Variants in GPR179 observed in about 807,000 individuals in gnomAD.
GPR179 encodes G protein-coupled receptor 179, also known as probable G protein-coupled receptor 179.
In GPR179, 52 loss-of-function variants were observed where a neutral mutation model predicts 70.8. The observed-to-expected ratio is 0.73, with a 90% CI of 0.59 to 0.93. The LOEUF (loss-of-function observed/expected upper bound fraction) is 0.93, where lower values mean the gene tolerates loss of function less well. GPR179 is among the 40% of genes least tolerant of loss of function. The probability of loss-of-function intolerance (pLI) is 0.00; values close to 1 mark genes in which losing one functional copy is unlikely to be tolerated. For missense variants in GPR179, 2,734 were observed against 2,966.8 expected (o/e 0.92, Z 1.82); for synonymous variants, 1,123 against 1,169.0 (o/e 0.96, Z 0.80).
intron 6 of GPR179, 60 bp from the exon 7 acceptor site, chr17:38,335,331 T>C: frequency 3.9e-6 from 5 of 1,280,452 alleles, no homozygotes; most frequent in Non-Finnish European, 5.5e-6. Flanking sequence ...ACGAAGAGGG[T>C]GCCAGCGCCC....
In GPR179 at chr17:38,330,415, C is replaced by T; in HGVS notation, c.3154G>A (p.Ala1052Thr). The part of the protein sequence containing the change: ...AGENEMDAED[A>T]HHQREANDVD... The stretch of plus-strand genomic sequence containing the variant: ...TCATTAGCTTCCCTCTGGTGATGTG[C>T]ATCCTCTGCGTCCATCTCATTCTCC... The change falls in exon 11 of 11, where the codon GCA becomes ACA. Residue 1052 changes from alanine to threonine, a missense_variant. Transcript: ENST00000616987. 2 of 1,604,716 alleles carry T rather than the reference C, an allele frequency of 1.2e-6. No homozygotes were observed. The highest frequency in any genetic ancestry group is 1.7e-6 in the Non-Finnish European group (2 of 1,174,832).
At chr17:38,341,121 T>C (rs2037445939) in intron 1 of GPR179, among the ~76,000 whole-genome samples, 1 of 152,142 alleles carries the variant, frequency 6.6e-6, no homozygotes, top group African/African-American at 2.4e-5. Flanking sequence ...GCACCTGCAG[T>C]GTGTGCGAAG....
chr17:38,338,352 A>G (rs2037423651), intron 2 of GPR179, among the ~76,000 whole-genome samples: 1 of 152,204 alleles, frequency 6.6e-6, no homozygotes, highest in Non-Finnish European at 1.5e-5. Context: ...ATATGAACAA[A>G]TGAGGTCAGA....
rs1567721877 is a variant in GPR179 at position 38,327,292 on chromosome 17, C to A, written c.6277G>T (p.Ala2093Ser). The stretch of plus-strand genomic sequence containing the variant: ...GAACTGCCTCTGCTTCTGTCAGAAG[C>A]ATCTGGGGCTGGCTGTGGGGACAGA... ...KGLSPQPAPD[A>S]SDRSRGSSEA... The change falls in exon 11 of 11, where the codon GCT (alanine) becomes TCT (serine). Residue 2093 changes from alanine (A) to serine (S), a missense_variant. Ala to Ser is a moderately conservative substitution (Grantham distance 99). Transcript: ENST00000616987. 1 of 1,614,260 alleles carries A rather than the reference C, an allele frequency of 6.2e-7. No individual in the cohort carries two copies. The highest frequency in any genetic ancestry group is 2.2e-5 in the East Asian group (1 of 44,884).
chr17:38,339,334 C>T (rs984104993), intron 2 of GPR179, 83 bp downstream of exon 2: 7 of 842,022 alleles, frequency 8.3e-6, no homozygotes, highest in Middle Eastern at 3.0e-4. Flanking sequence ...GTCTGCTGCT[C>T]CTGGGAGCTG....
At chr17:38,341,380 C>T (rs2037447898) in intron 1 of GPR179, among the ~76,000 whole-genome samples, 1 of 152,166 alleles carries the variant, frequency 6.6e-6, no homozygotes, top group Non-Finnish European at 1.5e-5. Context: ...GAGATCAGCT[C>T]AGCTATTAAC....
In GPR179 at chr17:38,343,276, C is replaced by T. The variant is rs1265115446; in HGVS notation, c.514G>A (p.Glu172Lys). 6.2e-7 allele frequency: 1 copy of T among 1,614,172 alleles called. No individual in the cohort carries two copies. Among genetic ancestry groups the T allele is most frequent in the East Asian group, 2.2e-5 (1 of 44,874 alleles). ...CCAGACAAGTCCTGCAGGATGGTTT[C>T]CTCCCCAGTCCGGGTGGCCTGCAGG... is the stretch of plus-strand genomic sequence containing the variant. Reference protein sequence around the residue: ...LALQATRTGEETILQDLSGNW... With the variant: ...LALQATRTGEKTILQDLSGNW... Residue 172 changes from glutamate to lysine, a missense_variant, in exon 1 of 11, where the codon GAA (glutamate) becomes AAA (lysine). Transcript: ENST00000616987. The surrounding 1 kb of genome is among the most constrained non-coding windows in gnomAD (Gnocchi z 4.2).
chr17:38,337,496 CCT>C, intron 3 of GPR179, 135 bp downstream of exon 3: 3 of 774,386 alleles, frequency 3.9e-6, no homozygotes, highest in Non-Finnish European at 6.3e-6. Context: ...GCCTCTCCTG[CCT>C]CTCTCAACCT....
rs55727040 is a variant in GPR179 at position 38,330,121 on chromosome 17, T to C, written c.3448A>G (p.Lys1150Glu). 0.067 allele frequency: 106,996 copies of C among 1,608,534 alleles called. 8,996 individuals carry two copies. The highest frequency in any genetic ancestry group is 0.41 in the African/African-American group (30,828 of 74,666). Residue 1150 changes from lysine (K) to glutamate (E), a missense_variant, in exon 11 of 11, where the codon AAG becomes GAG. By Grantham distance (56) the Lys-to-Glu change is moderately conservative. Coordinates refer to ENST00000616987, the MANE Select transcript of GPR179 (RefSeq NM_001004334.4). The stretch of plus-strand genomic sequence containing the variant: ...TTCTGTTGGTTCTGGAGGGACTCCT[T>C]GTCATCGGAGGGGATAAGAGCGGCC... ...KQAALIPSDD[K>E]ESLQNQQNAH...
Position 38,333,960 on chromosome 17 carries a change from G to C in GPR179, c.1863C>G (p.Thr621=). Residue 621 remains threonine, a synonymous_variant, in exon 9 of 11, where the codon ACC becomes ACG. Transcript: ENST00000616987. ...FFFHTHSTVT[T]TLALIFIPKF... is the part of the protein sequence containing the mutation. Reference sequence around the variant, plus strand: ...TAGGGATGAAGATCAGAGCCAGCGTGGTGGTGACTGTGCTGTGGGTGTGGA... The same window carrying C: ...TAGGGATGAAGATCAGAGCCAGCGTCGTGGTGACTGTGCTGTGGGTGTGGA... The C allele has an allele frequency of 6.2e-7, 1 of 1,613,720 alleles. No individual in the cohort carries two copies. The highest frequency in any genetic ancestry group is 8.5e-7 in the Non-Finnish European group (1 of 1,179,764).
In GPR179 at chr17:38,326,208, T is replaced by C. The variant is rs572051410; in HGVS notation, c.*257A>G. ...ACTGTAGGTGGATGGGAGGCGTCCTTAGAAGTAGAGTGTCCAGTCTTTGTT... is the reference window on the plus strand; with the variant it reads ...ACTGTAGGTGGATGGGAGGCGTCCTCAGAAGTAGAGTGTCCAGTCTTTGTT... On this transcript the variant is annotated 3_prime_UTR_variant, in exon 11 of 11. Transcript: ENST00000616987. The C allele has an allele frequency of 1.6e-5, 7 of 447,604 alleles. No individual in the cohort carries two copies. Among genetic ancestry groups the C allele is most frequent in the Non-Finnish European group, 2.7e-5 (7 of 254,612 alleles). The allele number at this position is 447,604 out of a possible 1,614,324, so 27.7% of individuals were successfully genotyped here.
In GPR179 at chr17:38,328,837, G is replaced by C; in HGVS notation, c.4732C>G (p.Leu1578Val). ...GTTGCTTCCTGTGCCTCCGGCCTGAGATCTTCCTGTGGACACACCTGCGTT... is the reference window on the plus strand; with the variant it reads ...GTTGCTTCCTGTGCCTCCGGCCTGACATCTTCCTGTGGACACACCTGCGTT... ...RATQVCPQEDLRPEAQEATPA... is the reference protein window; with the variant it reads ...RATQVCPQEDVRPEAQEATPA... The change falls in exon 11 of 11, where the codon CTC becomes GTC. Residue 1578 changes from leucine (L) to valine (V), a missense_variant. Coordinates refer to ENST00000616987, the MANE Select transcript of GPR179 (RefSeq NM_001004334.4). 6.2e-7 allele frequency: 1 copy of C among 1,613,826 alleles called. No homozygotes were observed. Among genetic ancestry groups the C allele is most frequent in the Non-Finnish European group, 8.5e-7 (1 of 1,179,946 alleles).
rs1372782033 is a variant in GPR179, at chr17:38,330,328, G to A, written c.3241C>T (p.Gln1081Ter). 6.2e-7 allele frequency: 1 copy of A among 1,613,974 alleles called. No homozygotes were observed. The highest frequency in any genetic ancestry group is 1.7e-5 in the Admixed American group (1 of 59,996). The change falls in exon 11 of 11, where the codon CAG becomes TAG. Residue 1081 changes from glutamine (Q) to a stop codon, truncating the protein, a stop_gained. Coordinates refer to ENST00000616987, the MANE Select transcript of GPR179 (RefSeq NM_001004334.4). LOFTEE classifies it low-confidence loss of function (END_TRUNC). Reference sequence around the variant, plus strand: ...AGCCCCAGGCTGCGCATGGAACCCTGCTGAACAGGGGCCTTGAGGCTGTGG... The same window carrying A: ...AGCCCCAGGCTGCGCATGGAACCCTACTGAACAGGGGCCTTGAGGCTGTGG... ...KSHSLKAPVQ[Q>*]GSMRSLGLAI... is the part of the protein sequence containing the mutation.
chr17:38,331,558 G>C, intron 10 of GPR179, 27 bp from the exon 11 acceptor site: 1 of 1,573,946 alleles, frequency 6.4e-7, no homozygotes, highest in Non-Finnish European at 8.6e-7. Context: ...AGGAAAGCAG[G>C]GCTGCAGGTG....
At chr17:38,332,806 C>T (rs745809312) in intron 10 of GPR179, among the ~76,000 whole-genome samples, 1 of 152,266 alleles carries the variant, frequency 6.6e-6, no homozygotes, top group African/African-American at 2.4e-5. Flanking sequence ...GACGAGATTT[C>T]GCCATTTGGC....
chr17:38,330,751 G>A lies in GPR179; in HGVS notation c.2818C>T (p.Pro940Ser). 6 of 1,588,908 alleles carry A rather than the reference G, an allele frequency of 3.8e-6. No homozygotes were observed. The highest frequency in any genetic ancestry group is 5.1e-6 in the Non-Finnish European group (6 of 1,165,282). The change falls in exon 11 of 11, where the codon CCC (proline) becomes TCC (serine). Residue 940 changes from proline (P) to serine (S), a missense_variant. By Grantham distance (74) the Pro-to-Ser change is moderately conservative (BLOSUM62 -1). Coordinates refer to ENST00000616987, the MANE Select transcript of GPR179 (RefSeq NM_001004334.4). ...AGGCCCCCAGACAGGGCCAAGATGGGGGTAGAAACCTGGTGCCTGATGGGT... is the reference window on the plus strand; with the variant it reads ...AGGCCCCCAGACAGGGCCAAGATGGAGGTAGAAACCTGGTGCCTGATGGGT... ...HPPIRHQVST[P>S]ILALSGGLGE...
chr17:38,338,859 G>T (rs528990643), intron 2 of GPR179, among the ~76,000 whole-genome samples: 55 of 152,308 alleles, frequency 3.6e-4, no homozygotes, highest in Admixed American at 1.6e-3. Flanking sequence ...ACCTGCACCC[G>T]TAGCTTTGAA....
Position 38,328,424 on chromosome 17 carries a change from C to A in GPR179, c.5145G>T (p.Glu1715Asp). Residue 1715 changes from glutamate to aspartate, a missense_variant, in exon 11 of 11, where the codon GAG (glutamate) becomes GAT (aspartate). Physicochemically the swap from Glu to Asp is conservative, Grantham distance 45. Coordinates refer to ENST00000616987, the MANE Select transcript of GPR179 (RefSeq NM_001004334.4). ...CPWEVGAGAG[E>D]ERALGAEAIR... ...TGGCCTCAGCTCCCAAAGCCCTTTC[C>A]TCCCCTGCTCCAGCACCCACCTCCC... 1 of 1,614,098 alleles carries A rather than the reference C, an allele frequency of 6.2e-7. No individual in the cohort carries two copies. The highest frequency in any genetic ancestry group is 1.1e-5 in the South Asian group (1 of 91,074).
Position 38,333,328 on chromosome 17 carries a change from G to C in GPR179, c.1960C>G (p.Gln654Glu), listed in dbSNP as rs1426519138. Reference protein sequence around the residue: ...DEVCEDELDLQHSGSYLGSSI... With the variant: ...DEVCEDELDLEHSGSYLGSSI... Reference sequence around the variant, plus strand: ...CTGCCAAGGTAGGAGCCTGAGTGCTGCAGGTCCAGCTCGTCCTCACACACC... The same window carrying C: ...CTGCCAAGGTAGGAGCCTGAGTGCTCCAGGTCCAGCTCGTCCTCACACACC... The change falls in exon 10 of 11, where the codon CAG becomes GAG. Residue 654 changes from glutamine (Q) to glutamate (E), a missense_variant. By Grantham distance (29) the Gln-to-Glu change is conservative (BLOSUM62 2). Coordinates refer to ENST00000616987, the MANE Select transcript of GPR179 (RefSeq NM_001004334.4). 5.6e-6 allele frequency: 9 copies of C among 1,613,932 alleles called. No individual in the cohort carries two copies. Among genetic ancestry groups the C allele is most frequent in the Non-Finnish European group, 6.8e-6 (8 of 1,179,972 alleles).
Sources: allele counts gnomAD v4.1 joint callset (sites outside exome capture counted in the v4.1 genomes callset), GRCh38; gene constraint gnomAD v4.1.1; non-coding constraint Gnocchi (gnomAD v3.1); transcripts MANE v1.5; gene names NCBI Gene and HGNC (gene_info 2026-07-23, HGNC 2026-07-21).